Variants in DEK observed in about 807,000 individuals in gnomAD.
The protein encoded by DEK is protein DEK.
Under a neutral mutation model 46.8 loss-of-function variants are expected in DEK, and 28 were observed. The observed-to-expected ratio is 0.60, with a 90% CI of 0.44 to 0.82. The LOEUF is 0.82. DEK is among the 40% of genes least tolerant of loss of function. DEK has a pLI of 0.00. For synonymous variants in DEK, 160 were observed against 144.5 expected, an observed-to-expected ratio of 1.11 and a Z score of -0.77; for missense variants, 416 against 430.6, an observed-to-expected ratio of 0.97 and a Z score of 0.30.
intron 9 of DEK, among the ~76,000 whole-genome samples, chr6:18,226,998 T>C (rs1561970441): frequency 6.6e-6 from 1 of 152,118 alleles, no homozygotes; most frequent in Non-Finnish European, 1.5e-5. Context: ...TCATCACCAC[T>C]CCCTAATCTC....
At chr6:18,250,072 T>G (rs1220093753) in intron 6 of DEK, among the ~76,000 whole-genome samples, 1 of 152,192 alleles carries the variant, frequency 6.6e-6, no homozygotes. Context: ...TAGAGAAATA[T>G]GTATTCTAGG....
intron 7 of DEK, among the ~76,000 whole-genome samples, chr6:18,241,762 A>G (rs1419191032): frequency 1.3e-5 from 2 of 152,206 alleles, no homozygotes; most frequent in Admixed American, 6.5e-5. Flanking sequence ...TCATTTTTTT[A>G]AACAATCATT....
Position 18,264,518 on chromosome 6 carries a change from C to T in DEK, c.-143G>A, listed in dbSNP as rs776724155. ...CGCTCGCGCCGCGCGCTCGGCTCCC[C>T]AGAATCAACAAGATTTTCAAAATGG... On this transcript the variant is annotated 5_prime_UTR_variant, in exon 1 of 11. Transcript: ENST00000652689. The T allele has an allele frequency of 4.4e-6, 1 of 229,442 alleles. No individual in the cohort carries two copies. Among genetic ancestry groups the T allele is most frequent in the South Asian group, 5.9e-5 (1 of 16,944 alleles). 14.2% of individuals were successfully genotyped at this position (229,442 alleles called of 1,614,324 possible).
Position 18,264,497 on chromosome 6 carries a change from C to A in DEK, c.-122G>T. On this transcript the variant is annotated 5_prime_UTR_variant, in exon 1 of 11. Coordinates refer to ENST00000652689, the MANE Select transcript of DEK (RefSeq NM_003472.4). ...GCGGGCCGCTGTCTGGCGTGACGCT[C>A]GCGCCGCGCGCTCGGCTCCCCAGAA... 2 of 248,986 alleles carry A rather than the reference C, an allele frequency of 8.0e-6. No individual in the cohort carries two copies. The highest frequency in any genetic ancestry group is 2.3e-5 in the African/African-American group (1 of 43,414). The allele number at this position is 248,986 out of a possible 1,614,324, so 15.4% of individuals were successfully genotyped here.
intron 6 of DEK, among the ~76,000 whole-genome samples, chr6:18,254,548 C>T (rs964650215): frequency 3.3e-5 from 5 of 151,958 alleles, no homozygotes; most frequent in African/African-American, 1.2e-4. Flanking sequence ...ATGTCAAATA[C>T]AGTGAAGATC....
intron 7 of DEK, among the ~76,000 whole-genome samples, chr6:18,249,008 A>G (rs1791244419): frequency 7.2e-6 from 1 of 139,194 alleles, no homozygotes; most frequent in Non-Finnish European, 1.5e-5. Context: ...CATCTCCTGT[A>G]CCCACTCTCC....
intron 6 of DEK, among the ~76,000 whole-genome samples, chr6:18,254,841 C>A (rs937914248): frequency 2.0e-5 from 3 of 152,158 alleles, no homozygotes; most frequent in African/African-American, 4.8e-5. Context: ...ATACCCCTTG[C>A]GTTTGTAGTT....
At position 18,236,609 on chromosome 6, in the gene DEK, AAT is replaced by A. The variant is rs1452005655; in HGVS notation, c.899-11_899-10del. On this transcript the variant is annotated splice_polypyrimidine_tract_variant and intron_variant, in intron 8 of 10. Transcript: ENST00000652689. Reference sequence around the variant, plus strand: ...ATCCTCAGACTCACTTTCTAAAAGTAATATAATAATAATAATTTTTCTTACAT... The same window carrying A: ...ATCCTCAGACTCACTTTCTAAAAGTAATAATAATAATAATTTTTCTTACAT... The A allele has an allele frequency of 1.4e-6, 2 of 1,403,830 alleles. No homozygotes were observed. The highest frequency in any genetic ancestry group is 1.9e-6 in the Non-Finnish European group (2 of 1,057,188). 87.0% of individuals were successfully genotyped at this position (1,403,830 alleles called of 1,614,324 possible).
Position 18,256,451 on chromosome 6 carries a change from G to A in DEK, c.362C>T (p.Ser121Phe). 2 of 1,611,308 alleles carry A rather than the reference G, an allele frequency of 1.2e-6. No homozygotes were observed. Among genetic ancestry groups the A allele is most frequent in the Non-Finnish European group, 8.5e-7 (1 of 1,178,756 alleles). Residue 121 changes from serine to phenylalanine, a missense_variant, in exon 5 of 11, where the codon TCC (serine) becomes TTC (phenylalanine). Ser to Phe is a radical substitution (Grantham distance 155). Coordinates refer to ENST00000652689, the MANE Select transcript of DEK (RefSeq NM_003472.4). ...KLLYNRPGTV[S>F]SLKKNVGQFS... is the part of the protein sequence containing the mutation. ...CTGACCCACATTCTTCTTTAATGAG[G>A]ACACCTGAAAATGTTCCTTATTATT...
intron 8 of DEK, chr6:18,237,164 T>C (rs1443970807): frequency 2.0e-5 from 8 of 403,134 alleles, no homozygotes; most frequent in African/African-American, 8.4e-5. Context: ...CCCCAAGATA[T>C]CTCTCTCTCT....
intron 2 of DEK, among the ~76,000 whole-genome samples, chr6:18,259,793 C>CT (rs1791773746): frequency 1.3e-5 from 2 of 152,144 alleles, no homozygotes; most frequent in Non-Finnish European, 2.9e-5. Flanking sequence ...CGTGTGCTGG[C>CT]TTTTAAAGAC....
rs1011003446 is a variant in DEK, at chr6:18,256,595, C to T, written c.358-140G>A. 1.2e-5 allele frequency: 7 copies of T among 561,284 alleles called. No homozygotes were observed. The African/African-American group carries it at 1.4e-4, about 11-fold the overall frequency. The allele number at this position is 561,284 out of a possible 1,614,324, so 34.8% of individuals were successfully genotyped here. ...ATACTGGCTGAACAGTCAACCAATT[C>T]AATATGGGTTCAATATTCAACATTT... On this transcript the variant is annotated intron_variant, in intron 4 of 10. Coordinates refer to ENST00000652689, the MANE Select transcript of DEK (RefSeq NM_003472.4).
intron 4 of DEK, among the ~76,000 whole-genome samples, chr6:18,256,690 C>T (rs1461070956): frequency 1.3e-5 from 2 of 152,130 alleles, no homozygotes; most frequent in African/African-American, 4.8e-5. Flanking sequence ...AAACTTAAGT[C>T]TCTGAAAAGA....
chr6:18,261,886 C>G (rs1791887722), intron 2 of DEK, among the ~76,000 whole-genome samples: 2 of 152,148 alleles, frequency 1.3e-5, no homozygotes, highest in East Asian at 3.9e-4. Context: ...ATGTGAGAAA[C>G]ATATGAGAGT....
chr6:18,236,400 T>C, intron 9 of DEK, 52 bp downstream of exon 9: 1 of 1,576,776 alleles, frequency 6.3e-7, no homozygotes, highest in South Asian at 1.2e-5. Flanking sequence ...CAGAGATAAG[T>C]GAAAGAATTT....
At chr6:18,257,864 A>G in intron 4 of DEK, 89 bp downstream of exon 4, 1 of 907,862 alleles carries the variant, frequency 1.1e-6, no homozygotes. Context: ...AAAGTGTGGA[A>G]ATTGAACTAG....
chr6:18,253,226 C>A (rs1040562903), intron 6 of DEK, among the ~76,000 whole-genome samples: 1 of 151,948 alleles, frequency 6.6e-6, no homozygotes, highest in Non-Finnish European at 1.5e-5. Flanking sequence ...ACAAATATGG[C>A]TAACTCAGAC....
intron 6 of DEK, among the ~76,000 whole-genome samples, chr6:18,250,334 T>G (rs989949350): frequency 4.6e-5 from 7 of 151,896 alleles, no homozygotes; most frequent in Non-Finnish European, 7.4e-5. Flanking sequence ...CCGGGCGTGG[T>G]GGCGGGCGCC....
chr6:18,258,093 C>A (rs1481920459), intron 3 of DEK, 31 bp from the exon 4 acceptor site: 9 of 1,439,364 alleles, frequency 6.3e-6, no homozygotes, highest in Non-Finnish European at 8.6e-6. Flanking sequence ...CAATTAAATA[C>A]CTATGGCTTA....
Sources: gnomAD v4.1 joint callset for allele counts (sites outside exome capture counted in the v4.1 genomes callset) on GRCh38, gnomAD v4.1.1 for gene constraint, MANE v1.5 for transcripts, NCBI Gene and HGNC (gene_info 2026-07-23, HGNC 2026-07-21) for gene names.